Variants in SORL1 observed in about 807,000 individuals in gnomAD.
SORL1 encodes the protein sortilin-related receptor.
Under a neutral mutation model 273.7 loss-of-function variants are expected in SORL1, and 127 were observed. The ratio of observed to expected loss-of-function variants is 0.46; its 90% CI spans 0.40 to 0.54. The LOEUF is 0.54. Ranked by LOEUF, SORL1 falls within the 20% of genes least tolerant of loss-of-function variation. SORL1 has a pLI of 0.00. For missense variants in SORL1, 2,494 were observed against 2,846.1 expected (o/e 0.88, Z 2.81); for synonymous variants, 1,031 against 1,067.4 (o/e 0.97, Z 0.66).
At chr11:121,513,192 G>C in intron 7 of SORL1, 88 bp downstream of exon 7, 2 of 974,084 alleles carry the variant, frequency 2.1e-6, no homozygotes, top group Non-Finnish European at 3.3e-6. Flanking sequence ...TGGCCTGCTG[G>C]AGTGGATATT....
chr11:121,494,355 C>A (rs1057168638), intron 5 of SORL1, among the ~76,000 whole-genome samples: 4 of 152,170 alleles, frequency 2.6e-5, no homozygotes, highest in Non-Finnish European at 4.4e-5. Context: ...TAATGATATA[C>A]ATTTGTTCAA....
chr11:121,527,383 G>A (rs566435377), intron 11 of SORL1, among the ~76,000 whole-genome samples: 2 of 152,014 alleles, frequency 1.3e-5, no homozygotes, highest in African/African-American at 2.4e-5. Context: ...TTTATGTGCA[G>A]CTAGGTTTGA....
chr11:121,493,652 A>G (rs1384169850), intron 5 of SORL1, among the ~76,000 whole-genome samples: 1 of 152,198 alleles, frequency 6.6e-6, no homozygotes, highest in Admixed American at 6.5e-5. Flanking sequence ...GTGATATGAG[A>G]TAGATCGTAT....
At chr11:121,540,937 A>G (rs1420022818) in intron 12 of SORL1, among the ~76,000 whole-genome samples, 2 of 152,256 alleles carry the variant, frequency 1.3e-5, no homozygotes, top group Admixed American at 1.3e-4. Context: ...ATGTCTGGAT[A>G]ATAGGTTGAC....
At chr11:121,505,659 TA>T (rs1430563158) in intron 6 of SORL1, among the ~76,000 whole-genome samples, 1 of 152,168 alleles carries the variant, frequency 6.6e-6, no homozygotes, top group Non-Finnish European at 1.5e-5. Context: ...TCATTCATCT[TA>T]AAGTATTTTC....
chr11:121,586,480 GA>G (rs1863111883), intron 27 of SORL1, 151 bp downstream of exon 27: 1 of 666,998 alleles, frequency 1.5e-6, no homozygotes, highest in South Asian at 1.7e-5. Context: ...AGGACTCCTG[GA>G]GGCTGATCGT....
intron 1 of SORL1, among the ~76,000 whole-genome samples, chr11:121,458,489 G>A (rs1333509784): frequency 6.6e-6 from 1 of 152,148 alleles, no homozygotes; most frequent in Non-Finnish European, 1.5e-5. Context: ...AATATTCAGG[G>A]ATTAGTATTT....
intron 47 of SORL1, among the ~76,000 whole-genome samples, chr11:121,628,553 T>C (rs1396621043): frequency 6.6e-6 from 1 of 152,222 alleles, no homozygotes; most frequent in East Asian, 1.9e-4. Flanking sequence ...ACAGGCCATG[T>C]ACTGGTACTG....
intron 5 of SORL1, among the ~76,000 whole-genome samples, chr11:121,492,138 A>G (rs1861562708): frequency 6.6e-6 from 1 of 152,134 alleles, no homozygotes; most frequent in Non-Finnish European, 1.5e-5. Flanking sequence ...AGGTGGGTGG[A>G]CCATCTGAGG....
At chr11:121,468,390 G>A (rs777982428) in intron 1 of SORL1, among the ~76,000 whole-genome samples, 1 of 152,098 alleles carries the variant, frequency 6.6e-6, no homozygotes, top group African/African-American at 2.4e-5. Flanking sequence ...TGGTTTCATG[G>A]CATTGTCCTG....
chr11:121,601,142 T>C (rs1189559523), intron 32 of SORL1, among the ~76,000 whole-genome samples: 1 of 147,364 alleles, frequency 6.8e-6, no homozygotes, highest in African/African-American at 2.5e-5. Flanking sequence ...TGAGAATATG[T>C]GGTGTTTGGT....
chr11:121,508,726 TC>T (rs1046119926), intron 6 of SORL1, among the ~76,000 whole-genome samples: 2 of 152,210 alleles, frequency 1.3e-5, no homozygotes, highest in Non-Finnish European at 2.9e-5. Flanking sequence ...AATGAAAACA[TC>T]ACAAAGCTGG....
At position 121,536,095 on chromosome 11, in the gene SORL1, A is replaced by G. The variant is rs372043648; in HGVS notation, c.1685+3543A>G. 2.0e-5 allele frequency among the ~76,000 whole-genome samples: 3 copies of G among 152,242 alleles called. No individual in the cohort carries two copies. The East Asian group carries it at 5.8e-4, about 29-fold the overall frequency. ...TCTTCGCTGCGGTTTGCTTGTCAGC[A>G]TGATGATATTTTTCGTAGTCAGTAA... On this transcript the variant is annotated intron_variant, in intron 12 of 47. Coordinates refer to ENST00000260197, the MANE Select transcript of SORL1 (RefSeq NM_003105.6).
At chr11:121,497,326 G>A (rs906609364) in intron 6 of SORL1, among the ~76,000 whole-genome samples, 1 of 152,212 alleles carries the variant, frequency 6.6e-6, no homozygotes, top group Non-Finnish European at 1.5e-5. Context: ...AAGCATCCTT[G>A]ACAAAGACGT....
chr11:121,539,957 G>A (rs1862322451), intron 12 of SORL1, among the ~76,000 whole-genome samples: 1 of 152,052 alleles, frequency 6.6e-6, no homozygotes, highest in African/African-American at 2.4e-5. Context: ...CCAATCCACT[G>A]ACCCACCAGT....
At chr11:121,501,793 A>T (rs1937021020) in intron 6 of SORL1, among the ~76,000 whole-genome samples, 1 of 152,186 alleles carries the variant, frequency 6.6e-6, no homozygotes, top group Non-Finnish European at 1.5e-5. Flanking sequence ...GGGAGCTACA[A>T]TTCAAGATGA....
At chr11:121,585,070 T>A (rs1863073880) in intron 26 of SORL1, among the ~76,000 whole-genome samples, 1 of 152,248 alleles carries the variant, frequency 6.6e-6, no homozygotes, top group Non-Finnish European at 1.5e-5. Context: ...CAACTTTGCT[T>A]TAGAATTCCT....
At chr11:121,515,135 A>T (rs1408376120) in intron 8 of SORL1, among the ~76,000 whole-genome samples, 1 of 152,234 alleles carries the variant, frequency 6.6e-6, no homozygotes, top group African/African-American at 2.4e-5. Context: ...TTGTCAGTTT[A>T]TTCACAGGTA....
intron 27 of SORL1, among the ~76,000 whole-genome samples, chr11:121,586,859 C>G (rs989837005): frequency 1.3e-5 from 2 of 152,082 alleles, no homozygotes; most frequent in Admixed American, 1.3e-4. Flanking sequence ...ACCTTACCCC[C>G]AGAGATTCTG....
Sources: gnomAD v4.1 joint callset for allele counts (sites outside exome capture counted in the v4.1 genomes callset) on GRCh38, gnomAD v4.1.1 for gene constraint, MANE v1.5 for transcripts, NCBI Gene and HGNC (gene_info 2026-07-23, HGNC 2026-07-21) for gene names.